Variants in DPYSL5 observed in about 807,000 individuals in gnomAD.
The protein encoded by DPYSL5 is dihydropyrimidinase-related protein 5.
In DPYSL5, 9 loss-of-function variants were observed where a neutral mutation model predicts 58.4. The observed-to-expected ratio is 0.15, with a 90% confidence interval of 0.09 to 0.27. The LOEUF is 0.27. Among genes scored for constraint, DPYSL5 ranks in the 10% least tolerant of loss-of-function variants. The pLI is 1.00. For synonymous variants in DPYSL5, 293 were observed against 301.9 expected, an observed-to-expected ratio of 0.97 and a Z score of 0.31; for missense variants, 499 against 770.6, an observed-to-expected ratio of 0.65 and a Z score of 4.17.
At position 26,947,071 on chromosome 2, in the gene DPYSL5, C is replaced by A; in HGVS notation, c.*76C>A. The A allele has an allele frequency of 7.5e-7, 1 of 1,328,602 alleles. No homozygotes were observed. The highest frequency in any genetic ancestry group is 1.1e-6 in the Non-Finnish European group (1 of 941,886). 82.3% of individuals were successfully genotyped at this position (1,328,602 alleles called of 1,614,324 possible). On this transcript the variant is annotated 3_prime_UTR_variant, in exon 13 of 13. Coordinates refer to ENST00000288699, the MANE Select transcript of DPYSL5 (RefSeq NM_020134.4). The surrounding 1 kb of genome is among the most constrained non-coding windows in gnomAD (Gnocchi z 4.2). ...AACTCTCCAGCCGAAGCTGCAGGGG[C>A]AGGAGAGGCTGGGCTGGGTGGCACA... is the stretch of plus-strand genomic sequence containing the variant.
In DPYSL5 at chr2:26,905,613, G is replaced by A. The variant is rs1180492279; in HGVS notation, c.261+6853G>A. The stretch of plus-strand genomic sequence containing the variant: ...CCCTCCGGCCTAGCTGTGGGGGCTG[G>A]GATTGGCATAGCTGGGCTCCTCTCT... On this transcript the variant is annotated intron_variant, in intron 2 of 12. Transcript: ENST00000288699. This position sits in a 1 kb window ranked among gnomAD's most constrained non-coding sequence, Gnocchi z 4.0. 6.6e-6 allele frequency among the ~76,000 whole-genome samples: 1 copy of A among 152,018 alleles called. No individual in the cohort carries two copies. Among genetic ancestry groups the A allele is most frequent in the Non-Finnish European group, 1.5e-5 (1 of 68,010 alleles).
At position 26,897,364 on chromosome 2, in the gene DPYSL5, C is replaced by A. The variant is rs916134273; in HGVS notation, c.-4-1132C>A. ...TCCCTACTTTTCTGAGAGTTTTTAT[C>A]ATGAATGGGTGTTGAATTTTGTCAA... On this transcript the variant is annotated intron_variant, in intron 1 of 12. Coordinates refer to ENST00000288699, the MANE Select transcript of DPYSL5 (RefSeq NM_020134.4). Among the ~76,000 whole-genome samples the A allele has an allele frequency of 3.3e-5, 5 of 152,148 alleles. No homozygotes were observed. The South Asian group carries it at 1.0e-3, about 31-fold the overall frequency.
intron 1 of DPYSL5, among the ~76,000 whole-genome samples, chr2:26,864,201 C>T (rs1467366493): frequency 1.3e-5 from 2 of 152,216 alleles, no homozygotes; most frequent in Non-Finnish European, 2.9e-5. Flanking sequence ...GCCCAGATCG[C>T]TCCACTGCAC....
intron 4 of DPYSL5, 31 bp from the exon 5 acceptor site, chr2:26,928,224 T>C: frequency 6.2e-7 from 1 of 1,610,974 alleles, no homozygotes; most frequent in Non-Finnish European, 8.5e-7. Context: ...TCTGTGATTC[T>C]CTCCATTTTC....
At chr2:26,896,361 T>C (rs538564255) in intron 1 of DPYSL5, among the ~76,000 whole-genome samples, 1 of 152,318 alleles carries the variant, frequency 6.6e-6, no homozygotes, top group African/African-American at 2.4e-5. Flanking sequence ...AATGCAGATA[T>C]CCCTTCGACA....
In DPYSL5 at chr2:26,872,532, A is replaced by G. The variant is rs538085520; in HGVS notation, c.-5+24278A>G. Among the ~76,000 whole-genome samples the G allele has an allele frequency of 2.6e-4, 40 of 152,302 alleles. 1 individual carries two copies. Among genetic ancestry groups the G allele is most frequent in the African/African-American group, 9.6e-4 (40 of 41,566 alleles). ...TGGTGAAACCCCGTCTCTACTAAAAATACAAAATTCAGCTGGGTGTGGTGG... is the reference window on the plus strand; with the variant it reads ...TGGTGAAACCCCGTCTCTACTAAAAGTACAAAATTCAGCTGGGTGTGGTGG... On this transcript the variant is annotated intron_variant, in intron 1 of 12. Transcript: ENST00000288699.
intron 1 of DPYSL5, among the ~76,000 whole-genome samples, chr2:26,868,888 T>A (rs1475644113): frequency 6.6e-6 from 1 of 152,238 alleles, no homozygotes; most frequent in African/African-American, 2.4e-5. Context: ...TATGTCTTCC[T>A]GTCTAAGCAT....
intron 1 of DPYSL5, among the ~76,000 whole-genome samples, chr2:26,860,557 G>A (rs963090244): frequency 3.3e-5 from 5 of 152,158 alleles, no homozygotes; most frequent in Non-Finnish European, 7.3e-5. Flanking sequence ...AGATATACAA[G>A]CACATGTGCT....
chr2:26,887,418 C>T (rs1295389696), intron 1 of DPYSL5, among the ~76,000 whole-genome samples: 1 of 152,226 alleles, frequency 6.6e-6, no homozygotes, highest in Non-Finnish European at 1.5e-5. Context: ...GCAGGCTCTC[C>T]TTGTCTCACA....
chr2:26,932,147 GAA>G lies in DPYSL5; in HGVS notation c.714+465_714+466del, dbSNP rs1357494885. Among the ~76,000 whole-genome samples the G allele has an allele frequency of 3.6e-3, 165 of 45,898 alleles. 7 individuals carry two copies. Among genetic ancestry groups the G allele is most frequent in the African/African-American group, 0.012 (152 of 12,354 alleles). 30.1% of individuals were successfully genotyped at this position (45,898 alleles called of 152,430 possible). A position where few individuals can be genotyped will look rare whatever the true frequency, so the allele number is the denominator to read the frequency against. ...AGAGAAAGAAAGAAAGAGAAAGAAA[GAA>G]AGAAAGAAAGAAAGAAAGAAAGAAA... On this transcript the variant is annotated intron_variant, in intron 6 of 12. Coordinates refer to ENST00000288699, the MANE Select transcript of DPYSL5 (RefSeq NM_020134.4).
chr2:26,942,113 C>G lies in DPYSL5; in HGVS notation c.1232+21C>G. 6.2e-7 allele frequency: 1 copy of G among 1,613,910 alleles called. No homozygotes were observed. The highest frequency in any genetic ancestry group is 8.5e-7 in the Non-Finnish European group (1 of 1,179,912). On this transcript the variant is annotated intron_variant, in intron 10 of 12. Coordinates refer to ENST00000288699, the MANE Select transcript of DPYSL5 (RefSeq NM_020134.4). This position sits in a 1 kb window ranked among gnomAD's most constrained non-coding sequence, Gnocchi z 5.9. ...ACAAAGTAAAGTTTGTTGCTCGTCC[C>G]CAGGGCTAGAGGGGCTTGGGATTTT...
intron 1 of DPYSL5, among the ~76,000 whole-genome samples, chr2:26,879,569 G>A (rs751794257): frequency 2.6e-5 from 4 of 151,446 alleles, no homozygotes; most frequent in Admixed American, 6.6e-5. Flanking sequence ...TCACCTCCAC[G>A]TCATTATCTA....
At chr2:26,855,385 C>T (rs985321254) in intron 1 of DPYSL5, among the ~76,000 whole-genome samples, 1 of 151,806 alleles carries the variant, frequency 6.6e-6, no homozygotes. Context: ...GCCCAGATCG[C>T]GGCACTGCAC....
chr2:26,899,590 G>A (rs372279990), intron 2 of DPYSL5, among the ~76,000 whole-genome samples: 42 of 152,266 alleles, frequency 2.8e-4, no homozygotes, highest in East Asian at 2.3e-3. Flanking sequence ...TAGCTGTCCC[G>A]TAAGTGTGCA....
intron 1 of DPYSL5, among the ~76,000 whole-genome samples, chr2:26,852,628 G>A (rs1404666686): frequency 6.6e-6 from 1 of 152,162 alleles, no homozygotes; most frequent in Non-Finnish European, 1.5e-5. Context: ...CAGGCTCAGC[G>A]GTAGCGTGTA....
At chr2:26,858,449 G>A (rs1405662632) in intron 1 of DPYSL5, among the ~76,000 whole-genome samples, 1 of 151,930 alleles carries the variant, frequency 6.6e-6, no homozygotes, top group African/African-American at 2.4e-5. Context: ...GGGATTACAG[G>A]CGTGAGCCAC....
intron 1 of DPYSL5, among the ~76,000 whole-genome samples, chr2:26,864,202 T>G (rs1666086672): frequency 2.0e-5 from 3 of 152,152 alleles, no homozygotes; most frequent in African/African-American, 7.2e-5. Context: ...CCCAGATCGC[T>G]CCACTGCACT....
intron 2 of DPYSL5, among the ~76,000 whole-genome samples, chr2:26,901,677 G>C (rs1013544964): frequency 1.3e-5 from 2 of 152,080 alleles, no homozygotes; most frequent in Non-Finnish European, 2.9e-5. Flanking sequence ...TCACCCGAAC[G>C]ATTAGCCAAG....
At chr2:26,938,086 T>C (rs1245726187) in intron 8 of DPYSL5, among the ~76,000 whole-genome samples, 1 of 152,356 alleles carries the variant, frequency 6.6e-6, no homozygotes, top group African/African-American at 2.4e-5. Flanking sequence ...AAGCCAGTCA[T>C]GTTTTAAACT....
Sources: gnomAD v4.1 joint callset for allele counts (sites outside exome capture counted in the v4.1 genomes callset) on GRCh38, gnomAD v4.1.1 for gene constraint, Gnocchi (gnomAD v3.1) non-coding constraint, MANE v1.5 for transcripts, NCBI Gene and HGNC (gene_info 2026-07-23, HGNC 2026-07-21) for gene names.